HSD17B3: variants seen among roughly 807,000 people sequenced by gnomAD.
HSD17B3 encodes the protein 17-beta-hydroxysteroid dehydrogenase type 3.
A neutral mutation model predicts 41.1 loss-of-function variants in HSD17B3; 29 were observed. The observed-to-expected ratio is 0.71, with a 90% CI of 0.53 to 0.96. The LOEUF is 0.96. Ranked by LOEUF, HSD17B3 falls within the 40% of genes least tolerant of loss-of-function variation. The probability of loss-of-function intolerance (pLI) is 0.00; values close to 1 mark genes in which losing one functional copy is unlikely to be tolerated. For synonymous variants in HSD17B3, 126 were observed against 145.6 expected, an observed-to-expected ratio of 0.87 and a Z score of 0.97; for missense variants, 323 against 374.6, an observed-to-expected ratio of 0.86 and a Z score of 1.14.
chr9:96,296,211 A>T lies in HSD17B3; in HGVS notation c.201+2205T>A, dbSNP rs150781257. Among the ~76,000 whole-genome samples the T allele has an allele frequency of 2.2e-4, 34 of 152,246 alleles. No individual in the cohort carries two copies. In the East Asian group the frequency reaches 6.6e-3, roughly 29 times the overall value. ...TGCAGTGAGCTGTTTGCACCACTGC[A>T]CTCCAGCCTGAGCAACAGAGCAAGA... On this transcript the variant is annotated intron_variant, in intron 2 of 10. Transcript: ENST00000375263.
chr9:96,264,331 T>TG (rs1304651976), intron 2 of HSD17B3, among the ~76,000 whole-genome samples: 1 of 144,642 alleles, frequency 6.9e-6, no homozygotes, highest in Admixed American at 7.1e-5. Context: ...GGAATAGAAA[T>TG]GGGGGGTGGG....
At chr9:96,295,002 C>CTTTTT (rs10541572) in intron 2 of HSD17B3, among the ~76,000 whole-genome samples, 3 of 66,174 alleles carry the variant, frequency 4.5e-5, no homozygotes, top group African/African-American at 6.1e-5. Context: ...ACACGAGGAG[C>CTTTTT]TTTTTTTTTT....
intron 10 of HSD17B3, among the ~76,000 whole-genome samples, chr9:96,236,459 T>C (rs1477180580): frequency 2.0e-5 from 3 of 151,490 alleles, no homozygotes; most frequent in Non-Finnish European, 2.9e-5. Context: ...AGAGGTTGCA[T>C]TGAGCTGAGA....
At chr9:96,265,737 C>T (rs1021819285) in intron 2 of HSD17B3, among the ~76,000 whole-genome samples, 1 of 152,130 alleles carries the variant, frequency 6.6e-6, no homozygotes, top group East Asian at 1.9e-4. Flanking sequence ...CTAAATTTAT[C>T]AGGAAGTTAT....
chr9:96,279,182 C>T (rs187967126), intron 2 of HSD17B3, among the ~76,000 whole-genome samples: 2 of 152,278 alleles, frequency 1.3e-5, no homozygotes, highest in East Asian at 3.9e-4. Context: ...TTTATTTTTC[C>T]AAGGTTAAGG....
At chr9:96,277,560 C>G (rs1005290082) in intron 2 of HSD17B3, among the ~76,000 whole-genome samples, 2 of 152,110 alleles carry the variant, frequency 1.3e-5, no homozygotes, top group Non-Finnish European at 2.9e-5. Flanking sequence ...ATAAAAAAGA[C>G]AAAAGATAAG....
chr9:96,297,678 T>G (rs1257217532), intron 2 of HSD17B3, among the ~76,000 whole-genome samples: 1 of 152,164 alleles, frequency 6.6e-6, no homozygotes, highest in Admixed American at 6.5e-5. Flanking sequence ...GCTTTCCTCT[T>G]ACAGTTTCTA....
In HSD17B3 at chr9:96,257,287, A is replaced by G. The variant is rs1206013211; in HGVS notation, c.202-2344T>C. Among the ~76,000 whole-genome samples, 7 of 152,050 alleles carry G rather than the reference A, an allele frequency of 4.6e-5. No individual in the cohort carries two copies. The East Asian group carries it at 1.3e-3, about 29-fold the overall frequency. On this transcript the variant is annotated intron_variant, in intron 2 of 10. Transcript: ENST00000375263. ...AGGATTTTCATCTTTTTCTATTTGT[A>G]TTTATTAAATTATACTATTATATGC...
At chr9:96,262,816 C>G (rs545427106) in intron 2 of HSD17B3, among the ~76,000 whole-genome samples, 1 of 151,878 alleles carries the variant, frequency 6.6e-6, no homozygotes, top group South Asian at 2.1e-4. Flanking sequence ...TTTGATTTTC[C>G]CAGTATATGT....
At position 96,246,602 on chromosome 9, in the gene HSD17B3, G is replaced by A; in HGVS notation, c.490-12C>T. On this transcript the variant is annotated splice_polypyrimidine_tract_variant and intron_variant, in intron 6 of 10. Transcript: ENST00000375263. ...ATTAGCTGTGTCATCTACAAGAGAA[G>A]GCCAAAGGTAAGCCCGACAAGGAAC... 6.2e-7 allele frequency: 1 copy of A among 1,613,908 alleles called. No individual in the cohort carries two copies. Among genetic ancestry groups the A allele is most frequent in the Non-Finnish European group, 8.5e-7 (1 of 1,179,838 alleles).
intron 2 of HSD17B3, among the ~76,000 whole-genome samples, chr9:96,262,067 A>C (rs1402199109): frequency 2.6e-5 from 4 of 152,090 alleles, no homozygotes; most frequent in African/African-American, 9.7e-5. Flanking sequence ...GCAGAGAAAG[A>C]ACCACTATGA....
chr9:96,241,957 C>CAAAA (rs1836457241), intron 9 of HSD17B3, among the ~76,000 whole-genome samples: 1 of 115,206 alleles, frequency 8.7e-6, no homozygotes, highest in Non-Finnish European at 1.8e-5. Flanking sequence ...AAGAAAAGAA[C>CAAAA]AGAAAAAGAA....
At chr9:96,240,627 A>C in intron 10 of HSD17B3, 131 bp downstream of exon 10, 1 of 948,806 alleles carries the variant, frequency 1.1e-6, no homozygotes, top group Non-Finnish European at 1.7e-6. Flanking sequence ...CTCGCCACAT[A>C]GTCCTTGTAC....
chr9:96,256,970 T>A (rs1281143274), intron 2 of HSD17B3, among the ~76,000 whole-genome samples: 1 of 152,028 alleles, frequency 6.6e-6, no homozygotes, highest in Non-Finnish European at 1.5e-5. Context: ...TAAGAGTGAG[T>A]CATCTCCGGA....
At chr9:96,282,276 TTTGA>T (rs1258480100) in intron 2 of HSD17B3, among the ~76,000 whole-genome samples, 1 of 152,070 alleles carries the variant, frequency 6.6e-6, no homozygotes, top group Non-Finnish European at 1.5e-5. Context: ...ATAAAAGAGC[TTTGA>T]TTAATTGGTT....
chr9:96,291,406 C>G (rs1039028058), intron 2 of HSD17B3, among the ~76,000 whole-genome samples: 4 of 150,640 alleles, frequency 2.7e-5, no homozygotes, highest in African/African-American at 4.9e-5. Context: ...ATTGAGCCCC[C>G]ACTCCACCTG....
In HSD17B3 at chr9:96,280,506, G is replaced by T. The variant is rs115553603; in HGVS notation, c.201+17910C>A. 3.7e-3 allele frequency among the ~76,000 whole-genome samples: 568 copies of T among 152,240 alleles called. 9 individuals carry two copies. Among genetic ancestry groups the T allele is most frequent in the African/African-American group, 0.013 (533 of 41,536 alleles). ...TAACTAAAAACTCAATTTATCCAGG[G>T]TTCTGGCAGAAATAGCACACTCAAA... On this transcript the variant is annotated intron_variant, in intron 2 of 10. Coordinates refer to ENST00000375263, the MANE Select transcript of HSD17B3 (RefSeq NM_000197.2).
intron 9 of HSD17B3, among the ~76,000 whole-genome samples, chr9:96,243,246 A>T (rs954432920): frequency 6.6e-6 from 1 of 152,238 alleles, no homozygotes; most frequent in African/African-American, 2.4e-5. Context: ...GCGAAACTCC[A>T]GCTTCAGCTG....
At chr9:96,249,412 T>C (rs1944998938) in intron 6 of HSD17B3, among the ~76,000 whole-genome samples, 1 of 152,212 alleles carries the variant, frequency 6.6e-6, no homozygotes, top group Non-Finnish European at 1.5e-5. Flanking sequence ...CTTTCCTCTA[T>C]CTACAAAGCC....
Sources: allele counts gnomAD v4.1 joint callset (sites outside exome capture counted in the v4.1 genomes callset), GRCh38; gene constraint gnomAD v4.1.1; transcripts MANE v1.5; gene names NCBI Gene and HGNC (gene_info 2026-07-23, HGNC 2026-07-21).